The following KANK1 variants were observed in gnomAD, a reference collection of about 807,000 sequenced individuals.
The protein encoded by KANK1 is KN motif and ankyrin repeat domain-containing protein 1.
KANK1 carries 109 observed loss-of-function variants against 106.2 expected under a neutral mutation model. The observed-to-expected ratio is 1.03, with a 90% CI of 0.88 to 1.20. The LOEUF (loss-of-function observed/expected upper bound fraction) is 1.20, where lower values mean the gene tolerates loss of function less well. KANK1 is among the 50% of genes most tolerant of loss of function. The probability of loss-of-function intolerance (pLI) is 0.00; values close to 1 mark genes in which losing one functional copy is unlikely to be tolerated. For missense variants in KANK1, 2,399 were observed against 1,710.7 expected, an observed-to-expected ratio of 1.40 and a Z score of -7.10; for synonymous variants, 873 against 652.2, an observed-to-expected ratio of 1.34 and a Z score of -5.16.
At chr9:562,255 T>C (rs551292556) in intron 1 of KANK1, among the ~76,000 whole-genome samples, 1 of 151,054 alleles carries the variant, frequency 6.6e-6, no homozygotes, top group East Asian at 1.9e-4. Context: ...GGTTTCACCT[T>C]GTTAGCCAGG....
chr9:733,466 G>C (rs1832855337), intron 6 of KANK1: 1 of 152,138 alleles, frequency 6.6e-6, no homozygotes. Context: ...TTTCATATGG[G>C]TTAAACACTT....
At chr9:550,651 C>T (rs951871369) in intron 1 of KANK1, among the ~76,000 whole-genome samples, 10 of 152,184 alleles carry the variant, frequency 6.6e-5, no homozygotes, top group African/African-American at 2.4e-4. Context: ...GTGATTTGTT[C>T]TTCTTTGTTG....
intron 8 of KANK1, among the ~76,000 whole-genome samples, chr9:740,209 G>A (rs1042000867): frequency 6.6e-6 from 1 of 152,140 alleles, no homozygotes; most frequent in African/African-American, 2.4e-5. Flanking sequence ...CTGGTTCATC[G>A]ATTCTGTTAA....
At chr9:579,139 G>A (rs1374697644) in intron 1 of KANK1, among the ~76,000 whole-genome samples, 1 of 152,118 alleles carries the variant, frequency 6.6e-6, no homozygotes, top group Non-Finnish European at 1.5e-5. Flanking sequence ...AGGGATGGGA[G>A]GTCTAGTAAC....
chr9:699,840 G>C (rs1822213955), intron 2 of KANK1, among the ~76,000 whole-genome samples: 1 of 152,122 alleles, frequency 6.6e-6, no homozygotes. Context: ...AAATTAGCCG[G>C]GTTTGGTCAC....
chr9:490,641 T>C (rs1476752440), intron 3 of KANK1, among the ~76,000 whole-genome samples: 2 of 152,194 alleles, frequency 1.3e-5, no homozygotes, highest in African/African-American at 4.8e-5. Context: ...TAAAAAGAGA[T>C]GGCTGGAAAA....
rs536887658 is a variant in KANK1, at chr9:729,157, A to G, written c.2699-894A>G. Among the ~76,000 whole-genome samples, 4 of 152,360 alleles carry G rather than the reference A, an allele frequency of 2.6e-5. No homozygotes were observed. In the East Asian group the frequency reaches 7.7e-4, roughly 29 times the overall value. On this transcript the variant is annotated intron_variant, in intron 3 of 11. Coordinates refer to ENST00000382297, the MANE Select transcript of KANK1 (RefSeq NM_015158.5). ...ATCCAAATTGCTTCGGTCAGTATACAGATTTTAAGTGGCTAACATATACAA... is the reference window on the plus strand; with the variant it reads ...ATCCAAATTGCTTCGGTCAGTATACGGATTTTAAGTGGCTAACATATACAA...
chr9:629,893 G>A (rs11795218), intron 1 of KANK1, among the ~76,000 whole-genome samples: 19,045 of 152,172 alleles, frequency 0.13, 1,882 homozygotes, highest in East Asian at 0.31. Flanking sequence ...ACTGTACTAC[G>A]CACTTTGTTC....
chr9:481,703 A>G (rs1019117784), intron 3 of KANK1, among the ~76,000 whole-genome samples: 1 of 152,168 alleles, frequency 6.6e-6, no homozygotes, highest in Non-Finnish European at 1.5e-5. Flanking sequence ...TGGGGCTTAA[A>G]AGAACAAATA....
intron 1 of KANK1, among the ~76,000 whole-genome samples, chr9:570,461 A>T (rs1818890059): frequency 6.6e-6 from 1 of 152,202 alleles, no homozygotes; most frequent in South Asian, 2.1e-4. Context: ...ACAGGTCCCT[A>T]GAAGCCTAAT....
intron 1 of KANK1, among the ~76,000 whole-genome samples, chr9:637,516 C>G (rs1168181029): frequency 6.6e-6 from 1 of 152,112 alleles, no homozygotes; most frequent in African/African-American, 2.4e-5. Context: ...GTACGTATTG[C>G]TGGGACTTAC....
At chr9:602,004 C>G (rs1827865968) in intron 1 of KANK1, among the ~76,000 whole-genome samples, 1 of 151,832 alleles carries the variant, frequency 6.6e-6, no homozygotes, top group Non-Finnish European at 1.5e-5. Flanking sequence ...AGGTCTGAAA[C>G]TCGTTTTTAA....
At chr9:589,523 T>G in intron 1 of KANK1, among the ~76,000 whole-genome samples, 1 of 150,768 alleles carries the variant, frequency 6.6e-6, no homozygotes, top group African/African-American at 2.4e-5. Flanking sequence ...GGGAGAGAGG[T>G]GGGGAAGGAG....
intron 1 of KANK1, among the ~76,000 whole-genome samples, chr9:528,341 C>T (rs188183399): frequency 1.1e-4 from 16 of 151,824 alleles, no homozygotes; most frequent in African/African-American, 3.4e-4. Context: ...GTTGGTGGTC[C>T]TTCTGGGCAA....
intron 2 of KANK1, among the ~76,000 whole-genome samples, chr9:708,694 G>T (rs1200783303): frequency 6.6e-6 from 1 of 152,134 alleles, no homozygotes; most frequent in Non-Finnish European, 1.5e-5. Context: ...GGGGTTGGGA[G>T]GGCAGACAGC....
chr9:644,066 A>G (rs960682380), intron 1 of KANK1, among the ~76,000 whole-genome samples: 1 of 150,954 alleles, frequency 6.6e-6, no homozygotes, highest in Non-Finnish European at 1.5e-5. Context: ...CATTAGAAGC[A>G]TGATTTGTTC....
chr9:511,154 G>C (rs2059012509), intron 1 of KANK1, among the ~76,000 whole-genome samples: 2 of 152,200 alleles, frequency 1.3e-5, no homozygotes, highest in Admixed American at 6.5e-5. Flanking sequence ...GAGAGATCTG[G>C]GTGATATTTA....
At chr9:628,753 C>G (rs756902933) in intron 1 of KANK1, among the ~76,000 whole-genome samples, 48 of 152,206 alleles carry the variant, frequency 3.2e-4, no homozygotes, top group Middle Eastern at 3.4e-3. Flanking sequence ...ATTTGGTTCC[C>G]TGGATTCAAG....
rs138614368 is a variant in KANK1, at chr9:520,328, G to C, written c.-84+15574G>C. On this transcript the variant is annotated intron_variant, in intron 1 of 11. Transcript: ENST00000382297. ...CACTCCAGCCTGCTTGGTAGAGTGA[G>C]ACCCTGTCTCAAAAAAATAAATAAA... Among the ~76,000 whole-genome samples, 19 of 151,746 alleles carry C rather than the reference G, an allele frequency of 1.3e-4. 1 individual carries two copies. Among genetic ancestry groups the C allele is most frequent in the African/African-American group, 4.4e-4 (18 of 41,074 alleles).
Sources: gnomAD v4.1 joint callset for allele counts (sites outside exome capture counted in the v4.1 genomes callset) on GRCh38, gnomAD v4.1.1 for gene constraint, MANE v1.5 for transcripts, NCBI Gene and HGNC (gene_info 2026-07-23, HGNC 2026-07-21) for gene names.